PLCL2: variants seen among roughly 807,000 people sequenced by gnomAD.
PLCL2 encodes inactive phospholipase C-like protein 2.
PLCL2 carries 4 observed loss-of-function variants against 79.6 expected under a neutral mutation model. The observed-to-expected ratio is 0.05, with a 90% CI of 0.02 to 0.11. The LOEUF (loss-of-function observed/expected upper bound fraction) is 0.11. Ranked by LOEUF, PLCL2 falls within the 10% of genes least tolerant of loss-of-function variation. The pLI is 1.00. For synonymous variants in PLCL2, 484 were observed against 457.7 expected (o/e 1.06, Z -0.73); for missense variants, 895 against 1,291.0 (o/e 0.69, Z 4.70).
intron 1 of PLCL2, among the ~76,000 whole-genome samples, chr3:16,900,629 T>C (rs1375686314): frequency 6.6e-6 from 1 of 152,238 alleles, no homozygotes; most frequent in African/African-American, 2.4e-5. Flanking sequence ...GTTTGTATGC[T>C]AATAACACCT....
chr3:16,981,621 G>A (rs1161381581), intron 1 of PLCL2, among the ~76,000 whole-genome samples: 1 of 152,234 alleles, frequency 6.6e-6, no homozygotes, highest in Non-Finnish European at 1.5e-5. Context: ...GGCAAAAACT[G>A]TATTTGAAGA....
chr3:16,985,027 G>A (rs2064034747), intron 1 of PLCL2, among the ~76,000 whole-genome samples: 1 of 152,088 alleles, frequency 6.6e-6, no homozygotes, highest in South Asian at 2.1e-4. Flanking sequence ...TGAAGTATAA[G>A]CACAAGAAGT....
At chr3:16,972,890 T>C (rs1360769362) in intron 1 of PLCL2, among the ~76,000 whole-genome samples, 1 of 152,202 alleles carries the variant, frequency 6.6e-6, no homozygotes, top group Non-Finnish European at 1.5e-5. Context: ...GCATATAAAA[T>C]GGGTCTCTTA....
chr3:16,961,127 G>A (rs6769249), intron 1 of PLCL2, among the ~76,000 whole-genome samples: 66,101 of 151,966 alleles, frequency 0.43, 15,522 homozygotes, highest in African/African-American at 0.6. Flanking sequence ...GAGACCCCAC[G>A]CTTTCCTTAG....
intron 1 of PLCL2, among the ~76,000 whole-genome samples, chr3:16,985,523 G>A (rs560328720): frequency 6.6e-6 from 1 of 152,198 alleles, no homozygotes; most frequent in Non-Finnish European, 1.5e-5. Flanking sequence ...TTCTTATCTG[G>A]TATCATTTTT....
At chr3:16,987,004 GAAGAAGT>G (rs1320632050) in intron 1 of PLCL2, among the ~76,000 whole-genome samples, 5 of 151,598 alleles carry the variant, frequency 3.3e-5, no homozygotes, top group Admixed American at 3.3e-4. Flanking sequence ...GGAACTAGAG[GAAGAAGT>G]CTGACATTTA....
intron 1 of PLCL2, among the ~76,000 whole-genome samples, chr3:16,984,425 G>A (rs1049498419): frequency 6.6e-6 from 1 of 152,022 alleles, no homozygotes; most frequent in Admixed American, 6.6e-5. Flanking sequence ...GTGTTTCTTT[G>A]ATTAAAAGAC....
intron 5 of PLCL2, among the ~76,000 whole-genome samples, chr3:17,084,288 A>G (rs1005807357): frequency 1.3e-5 from 2 of 152,220 alleles, no homozygotes; most frequent in African/African-American, 4.8e-5. Flanking sequence ...AATCAAATCA[A>G]TAATTAATAA....
intron 4 of PLCL2, 66 bp downstream of exon 4, chr3:17,043,015 T>C: frequency 9.5e-7 from 1 of 1,051,258 alleles, no homozygotes; most frequent in Non-Finnish European, 1.5e-6. Context: ...GCCCCAAAAC[T>C]ATTTCATTTT....
At chr3:17,031,640 A>T (rs1428084638) in intron 3 of PLCL2, among the ~76,000 whole-genome samples, 2 of 152,188 alleles carry the variant, frequency 1.3e-5, no homozygotes, top group Non-Finnish European at 2.9e-5. Context: ...TTAATGTGAG[A>T]CTATTGTATA....
At chr3:17,069,719 T>C (rs1164787653) in intron 5 of PLCL2, among the ~76,000 whole-genome samples, 2 of 152,220 alleles carry the variant, frequency 1.3e-5, no homozygotes, top group African/African-American at 4.8e-5. Context: ...TTTGATGTAA[T>C]AAAAGGTATC....
chr3:16,902,849 A>AGTGT (rs60154333), intron 1 of PLCL2, among the ~76,000 whole-genome samples: 7 of 69,862 alleles, frequency 1.0e-4, no homozygotes, highest in African/African-American at 4.3e-4. Context: ...AAAAAAATGC[A>AGTGT]GTGCGTGTGT....
intron 1 of PLCL2, among the ~76,000 whole-genome samples, chr3:16,997,402 C>T (rs1236310396): frequency 2.6e-5 from 4 of 151,350 alleles, no homozygotes; most frequent in African/African-American, 4.8e-5. Flanking sequence ...TAGGGTGGCT[C>T]ATGAATGGTT....
Position 17,009,668 on chromosome 3 carries a change from T to G in PLCL2, c.328-6T>G. ...ATTCTAATATACGGTCTTTTTTTCC[T>G]CTCAGGATGGTACAAAACAGAAGAG... On this transcript the variant is annotated splice_region_variant and splice_polypyrimidine_tract_variant and intron_variant, in intron 1 of 5. Coordinates refer to ENST00000615277, the MANE Select transcript of PLCL2 (RefSeq NM_001144382.2). The surrounding 1 kb of genome is among the most constrained non-coding windows in gnomAD (Gnocchi z 4.0). The G allele has an allele frequency of 6.5e-7, 1 of 1,529,248 alleles. No individual in the cohort carries two copies. The highest frequency in any genetic ancestry group is 9.0e-7 in the Non-Finnish European group (1 of 1,112,026). 94.7% of individuals were successfully genotyped at this position (1,529,248 alleles called of 1,614,324 possible). A position where few individuals can be genotyped will look rare whatever the true frequency, so the allele number is the denominator to read the frequency against.
chr3:17,011,764 A>C lies in PLCL2; in HGVS notation c.2418A>C (p.Gly806=), dbSNP rs779242668. ...GGACAAAAACAGTGCACCAGAATGG[A>C]GACGCTCCCATTTTTGATGAAAGCT... is the stretch of plus-strand genomic sequence containing the variant. The part of the protein sequence containing the change: ...EQRTKTVHQN[G]DAPIFDESFE... Residue 806 remains glycine, a synonymous_variant, in exon 2 of 6, where the codon GGA becomes GGC. Coordinates refer to ENST00000615277, the MANE Select transcript of PLCL2 (RefSeq NM_001144382.2). The surrounding 1 kb of genome is among the most constrained non-coding windows in gnomAD (Gnocchi z 7.9). 3.1e-6 allele frequency: 5 copies of C among 1,614,184 alleles called. No homozygotes were observed. In the South Asian group the frequency reaches 3.3e-5, roughly 11 times the overall value.
chr3:16,944,221 A>G (rs1447328858), intron 1 of PLCL2, among the ~76,000 whole-genome samples: 2 of 152,258 alleles, frequency 1.3e-5, no homozygotes, highest in African/African-American at 4.8e-5. Flanking sequence ...TAAAGTGCTT[A>G]GCATGATGCC....
At chr3:16,929,103 T>G (rs112600781) in intron 1 of PLCL2, among the ~76,000 whole-genome samples, 112,774 of 112,774 alleles carry the variant, frequency 1, 56,387 homozygotes, top group Non-Finnish European at 1. Flanking sequence ...GAAGAGTAAT[T>G]CTGAGCGGTG....
chr3:16,942,791 A>T (rs548350160), intron 1 of PLCL2, among the ~76,000 whole-genome samples: 76 of 152,358 alleles, frequency 5.0e-4, no homozygotes, highest in African/African-American at 1.6e-3. Flanking sequence ...CAACACTTGT[A>T]AAAGAGAAAT....
intron 1 of PLCL2, among the ~76,000 whole-genome samples, chr3:16,946,652 C>G (rs1240697026): frequency 6.6e-6 from 1 of 152,110 alleles, no homozygotes; most frequent in African/African-American, 2.4e-5. Context: ...TAATGGTTGA[C>G]TGTTTTCTTG....
Sources: allele counts gnomAD v4.1 joint callset (sites outside exome capture counted in the v4.1 genomes callset), GRCh38; gene constraint gnomAD v4.1.1; non-coding constraint Gnocchi (gnomAD v3.1); transcripts MANE v1.5; gene names NCBI Gene and HGNC (gene_info 2026-07-23, HGNC 2026-07-21).